ANXA4: variants seen among roughly 807,000 people sequenced by gnomAD.
ANXA4 encodes annexin A4, also known as 35-beta calcimedin.
ANXA4 carries 39 observed loss-of-function variants against 49.8 expected under a neutral mutation model. The observed-to-expected ratio is 0.78, with a 90% confidence interval of 0.61 to 1.02. The LOEUF (loss-of-function observed/expected upper bound fraction) is 1.02, where lower values mean the gene tolerates loss of function less well. Ranked by LOEUF, ANXA4 falls within the 50% of genes least tolerant of loss-of-function variation. ANXA4 has a pLI of 0.00. For synonymous variants in ANXA4, 134 were observed against 152.5 expected (o/e 0.88, Z 0.89); for missense variants, 360 against 410.1 (o/e 0.88, Z 1.05).
At chr2:69,645,314 T>C (rs1330471738) in intron 1 of ANXA4, among the ~76,000 whole-genome samples, 3 of 152,210 alleles carry the variant, frequency 2.0e-5, no homozygotes, top group Non-Finnish European at 2.9e-5. Context: ...AGTTCACGAA[T>C]TCATGTAGCC....
chr2:69,804,621 C>T lies in ANXA4; in HGVS notation c.186C>T (p.Ile62=), dbSNP rs766437171. ...QEIRTAYKST[I]GRDLIDDLKS... The stretch of plus-strand genomic sequence containing the variant: ...TCAGGACAGCCTACAAGAGCACCAT[C>T]GGCAGGGTAGGCCACAGTCTTTCCT... Residue 62 remains isoleucine, a synonymous_variant, in exon 4 of 13, where the codon ATC becomes ATT. Coordinates refer to ENST00000394295, the MANE Select transcript of ANXA4 (RefSeq NM_001153.5). The T allele has an allele frequency of 8.1e-6, 13 of 1,612,328 alleles. No individual in the cohort carries two copies. Among genetic ancestry groups the T allele is most frequent in the Non-Finnish European group, 1.1e-5 (13 of 1,179,162 alleles).
intron 1 of ANXA4, among the ~76,000 whole-genome samples, chr2:69,766,844 A>G (rs1192200337): frequency 1.3e-5 from 2 of 152,154 alleles, no homozygotes; most frequent in African/African-American, 2.4e-5. Flanking sequence ...TTTCCTAGCT[A>G]TAAAGTGGAG....
chr2:69,749,906 G>A (rs1186446010), intron 1 of ANXA4, among the ~76,000 whole-genome samples: 1 of 149,848 alleles, frequency 6.7e-6, no homozygotes, highest in Non-Finnish European at 1.5e-5. Flanking sequence ...CTGGGTGACA[G>A]AGCGAGACTC....
chr2:69,722,941 G>A (rs995117331), intron 3 of ANXA4, among the ~76,000 whole-genome samples: 1 of 151,256 alleles, frequency 6.6e-6, no homozygotes, highest in African/African-American at 2.4e-5. Flanking sequence ...GGGAGGCCGA[G>A]GTGGGCGGAT....
chr2:69,804,465 A>T, intron 3 of ANXA4, 68 bp from the exon 4 acceptor site: 1 of 1,432,590 alleles, frequency 7.0e-7, no homozygotes, highest in Non-Finnish European at 9.7e-7. Flanking sequence ...TCCAATGTCC[A>T]CAGAGGAACC....
intron 3 of ANXA4, 92 bp downstream of exon 3, chr2:69,788,233 G>A: frequency 8.5e-7 from 1 of 1,180,868 alleles, no homozygotes; most frequent in Non-Finnish European, 1.2e-6. Context: ...CATCACGTGG[G>A]TCTTCCTTTA....
At chr2:69,721,590 A>G (rs1462380466) in intron 3 of ANXA4, among the ~76,000 whole-genome samples, 1 of 151,926 alleles carries the variant, frequency 6.6e-6, no homozygotes, top group Non-Finnish European at 1.5e-5. Flanking sequence ...AGTCCCATAT[A>G]CTTGGGAGGC....
chr2:69,806,574 A>C, intron 5 of ANXA4, 76 bp downstream of exon 5: 1 of 1,269,134 alleles, frequency 7.9e-7, no homozygotes. Flanking sequence ...ACTGTCACCC[A>C]ATAAGAAAGA....
At chr2:69,656,554 T>C (rs2105315712) in intron 2 of ANXA4, among the ~76,000 whole-genome samples, 1 of 141,282 alleles carries the variant, frequency 7.1e-6, no homozygotes, top group East Asian at 2.0e-4. Context: ...GTAGTTCCTT[T>C]TTTTTTTTTT....
At chr2:69,778,641 G>A (rs547001398) in intron 1 of ANXA4, among the ~76,000 whole-genome samples, 22 of 152,136 alleles carry the variant, frequency 1.4e-4, no homozygotes, top group Non-Finnish European at 1.8e-4. Context: ...CAGGCATGGC[G>A]GCACATGCTT....
In ANXA4 at chr2:69,816,112, G is replaced by T; in HGVS notation, c.546G>T (p.Glu182Asp). ...LVRQDAQDLYEAGEKKWGTDE... is the reference protein window; with the variant it reads ...LVRQDAQDLYDAGEKKWGTDE... ...TTGTTTGGCTTCAGGACCTGTATGA[G>T]GCTGGAGAGAAGAAATGGGGGACAG... The change falls in exon 9 of 13, where the codon GAG becomes GAT. Residue 182 changes from glutamate to aspartate, a missense_variant. Coordinates refer to ENST00000394295, the MANE Select transcript of ANXA4 (RefSeq NM_001153.5). 1 of 1,614,076 alleles carries T rather than the reference G, an allele frequency of 6.2e-7. No individual in the cohort carries two copies. The highest frequency in any genetic ancestry group is 8.5e-7 in the Non-Finnish European group (1 of 1,179,940).
intron 4 of ANXA4, among the ~76,000 whole-genome samples, chr2:69,805,046 CAAAAAAAAAAAAAA>C (rs60172949): frequency 8.4e-5 from 3 of 35,870 alleles, no homozygotes; most frequent in Admixed American, 9.2e-4. Context: ...GACTCCATCT[CAAAAAAAAAAAAAA>C]AAAAAAAAAA....
chr2:69,803,064 G>C (rs775486553), intron 3 of ANXA4, among the ~76,000 whole-genome samples: 4 of 151,882 alleles, frequency 2.6e-5, no homozygotes, highest in African/African-American at 9.7e-5. Context: ...AGCCAGGCAT[G>C]GTGGCAGGCA....
intron 3 of ANXA4, among the ~76,000 whole-genome samples, chr2:69,795,854 T>C (rs1304112111): frequency 2.6e-5 from 4 of 152,108 alleles, no homozygotes; most frequent in East Asian, 3.9e-4. Context: ...AAATAATAAG[T>C]TCCCCCCAAC....
At chr2:69,703,020 C>T (rs575323327) in intron 2 of ANXA4, among the ~76,000 whole-genome samples, 3 of 152,168 alleles carry the variant, frequency 2.0e-5, no homozygotes, top group South Asian at 2.1e-4. Flanking sequence ...TATTGTCCAG[C>T]GCATGCAAAG....
chr2:69,754,086 G>A (rs1220954518), intron 1 of ANXA4, among the ~76,000 whole-genome samples: 2 of 152,196 alleles, frequency 1.3e-5, no homozygotes, highest in African/African-American at 4.8e-5. Context: ...TATCAGATCT[G>A]GCCTACCAGG....
intron 2 of ANXA4, among the ~76,000 whole-genome samples, chr2:69,688,658 C>T (rs1156385835): frequency 1.3e-5 from 2 of 152,170 alleles, no homozygotes; most frequent in Non-Finnish European, 2.9e-5. Context: ...CTAGGAAGAA[C>T]AATGAGCTGT....
At chr2:69,704,499 A>T (rs752711687) in intron 2 of ANXA4, among the ~76,000 whole-genome samples, 2 of 152,182 alleles carry the variant, frequency 1.3e-5, no homozygotes, top group Non-Finnish European at 2.9e-5. Context: ...TGGCACTTTA[A>T]TTGGCCTCGA....
At chr2:69,779,873 G>C (rs1672124105) in intron 1 of ANXA4, among the ~76,000 whole-genome samples, 1 of 152,140 alleles carries the variant, frequency 6.6e-6, no homozygotes, top group Admixed American at 6.5e-5. Context: ...TCCCACCTCT[G>C]TACCTTTGCT....
Sources: gnomAD v4.1 joint callset for allele counts (sites outside exome capture counted in the v4.1 genomes callset) on GRCh38, gnomAD v4.1.1 for gene constraint, MANE v1.5 for transcripts, NCBI Gene and HGNC (gene_info 2026-07-23, HGNC 2026-07-21) for gene names.